Variants in AP3M2 observed in about 807,000 individuals in gnomAD.
AP3M2 encodes adaptor related protein complex 3 subunit mu 2.
A neutral mutation model predicts 41.6 loss-of-function variants in AP3M2; 28 were observed. The observed-to-expected ratio is 0.67, with a 90% CI of 0.50 to 0.92. The LOEUF is 0.92. Ranked by LOEUF, AP3M2 falls within the 40% of genes least tolerant of loss-of-function variation. The probability of loss-of-function intolerance (pLI) is 0.00; values close to 1 mark genes in which losing one functional copy is unlikely to be tolerated. For missense variants in AP3M2, 427 were observed against 521.4 expected (o/e 0.82, Z 1.76); for synonymous variants, 193 against 186.4 (o/e 1.04, Z -0.29).
rs756374378 is a variant in AP3M2, at chr8:42,154,849, C to T, written c.162C>T (p.His54=). Residue 54 remains histidine (H), a synonymous_variant, in exon 2 of 9, where the codon CAC becomes CAT. Transcript: ENST00000396926. The part of the protein sequence containing the change: ...NVPPVIPTPH[H]YLLSVYRHKI... ...CTCCGGTTATCCCTACCCCTCACCA[C>T]TATCTCTTAAGTGTTTACCGCCACA... 33 of 1,614,190 alleles carry T rather than the reference C, an allele frequency of 2.0e-5. No homozygotes were observed. The South Asian group carries it at 2.6e-4, about 13-fold the overall frequency.
chr8:42,170,437 G>T lies in AP3M2; in HGVS notation c.*1376G>T, dbSNP rs1376066833. The T allele has an allele frequency of 6.6e-6, 1 of 152,142 alleles. No individual in the cohort carries two copies. The highest frequency in any genetic ancestry group is 1.9e-4 in the East Asian group (1 of 5,192). The allele number at this position is 152,142 out of a possible 1,614,324, so 9.4% of individuals were successfully genotyped here. On this transcript the variant is annotated 3_prime_UTR_variant, in exon 9 of 9. Transcript: ENST00000396926. The stretch of plus-strand genomic sequence containing the variant: ...TACCTCAGGCTTTCTTTCCCAGTGG[G>T]TCATTTTTGTCCTAGTTCAGTGTGT...
At chr8:42,158,797 CT>C (rs749431364) in intron 3 of AP3M2, among the ~76,000 whole-genome samples, 354 of 141,510 alleles carry the variant, frequency 2.5e-3, no homozygotes, top group Admixed American at 2.8e-3. Flanking sequence ...CTACATGGTT[CT>C]TTTTTTTTTT....
rs1804762320 is a variant in AP3M2 at position 42,170,258 on chromosome 8, C to T, written c.*1197C>T. ...TTCCTCAGTCTTTTCTTTTGTACTC[C>T]TATCATGTATTCATTAATATCTACC... On this transcript the variant is annotated 3_prime_UTR_variant, in exon 9 of 9. Coordinates refer to ENST00000396926, the MANE Select transcript of AP3M2 (RefSeq NM_006803.4). 6.6e-6 allele frequency: 1 copy of T among 152,224 alleles called. No individual in the cohort carries two copies. Among genetic ancestry groups the T allele is most frequent in the South Asian group, 2.1e-4 (1 of 4,834 alleles). The allele number at this position is 152,224 out of a possible 1,614,324, so 9.4% of individuals were successfully genotyped here.
chr8:42,158,066 CAT>C lies in AP3M2; in HGVS notation c.401_402del (p.Ile134LysfsTer21). On this transcript the variant is annotated frameshift_variant, in exon 3 of 9. Transcript: ENST00000396926. LOFTEE classifies it high-confidence loss of function. The part of the protein sequence containing the change: ...ATESNILKEL[I>X]KPPTILRTVV... ...CCGAGTCGAACATTCTTAAAGAACT[CAT>C]AAAGCCTCCTACCATCCTTCGAACG... is the stretch of plus-strand genomic sequence containing the variant. 6.2e-7 allele frequency: 1 copy of C among 1,614,026 alleles called. No individual in the cohort carries two copies.
At chr8:42,158,247 G>GTT in intron 3 of AP3M2, 135 bp downstream of exon 3, 68 of 377,790 alleles carry the variant, frequency 1.8e-4, no homozygotes, top group Non-Finnish European at 2.0e-4. Context: ...GCTCTTTGTA[G>GTT]TTGTTTTTTT....
chr8:42,156,442 C>T (rs1038328540), intron 2 of AP3M2, among the ~76,000 whole-genome samples: 9 of 152,260 alleles, frequency 5.9e-5, no homozygotes, highest in East Asian at 1.9e-4. Context: ...GGAGCGGCCC[C>T]GCAATAGAAT....
At chr8:42,166,904 T>A in intron 6 of AP3M2, 1 of 459,266 alleles carries the variant, frequency 2.2e-6, no homozygotes, top group Non-Finnish European at 3.9e-6. Context: ...ATTATGCCTT[T>A]GTCATAGTAG....
chr8:42,163,505 C>T (rs1804564250), intron 4 of AP3M2, among the ~76,000 whole-genome samples: 1 of 152,180 alleles, frequency 6.6e-6, no homozygotes, highest in South Asian at 2.1e-4. Context: ...GTACCCACCC[C>T]TGAGCAAAGT....
chr8:42,165,883 A>G, intron 6 of AP3M2: 1 of 214,930 alleles, frequency 4.7e-6, no homozygotes, highest in Non-Finnish European at 9.1e-6. Flanking sequence ...TTCTCAAATC[A>G]GAATCTGGGC....
chr8:42,162,455 TAGAA>T (rs758803103), intron 4 of AP3M2, 37 bp downstream of exon 4: 10 of 1,570,764 alleles, frequency 6.4e-6, no homozygotes, highest in Admixed American at 3.7e-5. Context: ...AATATGAAAA[TAGAA>T]AGGGACCTCT....
chr8:42,153,904 A>G (rs1564114670), intron 1 of AP3M2: 4 of 152,112 alleles, frequency 2.6e-5, no homozygotes, highest in Admixed American at 2.6e-4. Flanking sequence ...CCTCCCACCA[A>G]TTCTGGTGGG....
chr8:42,153,467 G>A, intron 1 of AP3M2: 1 of 152,668 alleles, frequency 6.6e-6, no homozygotes, highest in Non-Finnish European at 1.5e-5. Context: ...TGCCTAGGCC[G>A]CTGCCTCTCC....
rs1178368265 is a variant in AP3M2, at chr8:42,154,598, C to T, written c.-72-18C>T. 5 of 1,530,478 alleles carry T rather than the reference C, an allele frequency of 3.3e-6. No individual in the cohort carries two copies. Among genetic ancestry groups the T allele is most frequent in the South Asian group, 2.6e-5 (2 of 77,414 alleles). The allele number at this position is 1,530,478 out of a possible 1,614,324, so 94.8% of individuals were successfully genotyped here. A position where few individuals can be genotyped will look rare whatever the true frequency, so the allele number is the denominator to read the frequency against. On this transcript the variant is annotated intron_variant, in intron 1 of 8. Transcript: ENST00000396926. Reference sequence around the variant, plus strand: ...CTTTTGGTTGAATGGAACTGAATATCGCTGCTTTTGTTTTTAGAGTTGAAA... The same window carrying T: ...CTTTTGGTTGAATGGAACTGAATATTGCTGCTTTTGTTTTTAGAGTTGAAA...
chr8:42,163,424 CAT>C (rs1480368521), intron 4 of AP3M2, among the ~76,000 whole-genome samples: 14 of 152,186 alleles, frequency 9.2e-5, no homozygotes, highest in African/African-American at 3.4e-4. Flanking sequence ...ATGAATAAGA[CAT>C]AGTCTATGGC....
rs1016071562 is a variant in AP3M2 at position 42,169,177 on chromosome 8, CCCT to C, written c.*117_*119del. Reference sequence around the variant, plus strand: ...CAGTCCCCTCCTGGACCCACCCGCTCCCTTTTTTCCTTAGCCTTCAGTGCCATG... The same window carrying C: ...CAGTCCCCTCCTGGACCCACCCGCTCTTTTTCCTTAGCCTTCAGTGCCATG... On this transcript the variant is annotated 3_prime_UTR_variant, in exon 9 of 9. Transcript: ENST00000396926. The C allele has an allele frequency of 2.7e-6, 2 of 740,158 alleles. No homozygotes were observed. Among genetic ancestry groups the C allele is most frequent in the Non-Finnish European group, 4.2e-6 (2 of 476,062 alleles). The allele number at this position is 740,158 out of a possible 1,614,324, so 45.8% of individuals were successfully genotyped here.
In AP3M2 at chr8:42,154,878, T is replaced by C; in HGVS notation, c.191T>C (p.Ile64Thr). ...CTCTTAAGTGTTTACCGCCACAAGA[T>C]CTTTTTTGTGGCCGTGATCCAGACG... ...HYLLSVYRHK[I>T]FFVAVIQTEV... The change falls in exon 2 of 9, where the codon ATC becomes ACC. Residue 64 changes from isoleucine to threonine, a missense_variant. Ile to Thr is a moderately conservative substitution (Grantham distance 89). Coordinates refer to ENST00000396926, the MANE Select transcript of AP3M2 (RefSeq NM_006803.4). 6.2e-7 allele frequency: 1 copy of C among 1,614,182 alleles called. No homozygotes were observed. The highest frequency in any genetic ancestry group is 1.3e-5 in the African/African-American group (1 of 75,034).
chr8:42,167,020 T>C, intron 6 of AP3M2, 144 bp from the exon 7 acceptor site: 1 of 691,864 alleles, frequency 1.4e-6, no homozygotes, highest in African/African-American at 1.8e-5. Flanking sequence ...TGGGGTTTTT[T>C]TCTGTTTATT....
chr8:42,162,439 C>A, intron 4 of AP3M2, 21 bp downstream of exon 4: 1 of 1,580,850 alleles, frequency 6.3e-7, no homozygotes, highest in Admixed American at 1.8e-5. Context: ...TTAATATGTT[C>A]TCAGAAATAT....
intron 6 of AP3M2, 87 bp from the exon 7 acceptor site, chr8:42,167,077 C>A: frequency 2.5e-6 from 3 of 1,195,372 alleles, no homozygotes; most frequent in Non-Finnish European, 2.5e-6. Context: ...AGAAGCTACC[C>A]ACAGGGCAGA....
Sources: allele counts gnomAD v4.1 joint callset (sites outside exome capture counted in the v4.1 genomes callset), GRCh38; gene constraint gnomAD v4.1.1; transcripts MANE v1.5; gene names NCBI Gene and HGNC (gene_info 2026-07-23, HGNC 2026-07-21).